The following PBRM1 variants were observed in gnomAD, a reference collection of about 807,000 sequenced individuals.
The protein encoded by PBRM1 is protein polybromo-1.
PBRM1 carries 27 observed loss-of-function variants against 194.5 expected under a neutral mutation model. The ratio of observed to expected loss-of-function variants is 0.14; its 90% CI spans 0.10 to 0.19. The LOEUF (loss-of-function observed/expected upper bound fraction) is 0.19, where lower values mean the gene tolerates loss of function less well. Among genes scored for constraint, PBRM1 ranks in the 10% least tolerant of loss-of-function variants. The pLI is 1.00. For synonymous variants in PBRM1, 655 were observed against 693.2 expected, an observed-to-expected ratio of 0.94 and a Z score of 0.87; for missense variants, 1,466 against 2,077.2, an observed-to-expected ratio of 0.71 and a Z score of 5.72.
chr3:52,641,196 C>T (rs2096064497), intron 10 of PBRM1, among the ~76,000 whole-genome samples: 1 of 151,686 alleles, frequency 6.6e-6, no homozygotes, highest in African/African-American at 2.4e-5. Flanking sequence ...GTGGTGTAAT[C>T]CCAGCACATT....
At chr3:52,587,567 T>A (rs1401637660) in intron 18 of PBRM1, 57 bp from the exon 21 acceptor site, 223 of 875,782 alleles carry the variant, frequency 2.5e-4, no homozygotes, top group Middle Eastern at 3.5e-4. Context: ...TTAACAGAAA[T>A]CACTTTTTTT....
rs923836870 is a variant in PBRM1, at chr3:52,624,862, A to G, written c.1541+2411T>C. 2.2e-6 allele frequency: 3 copies of G among 1,381,966 alleles called. No homozygotes were observed. The African/African-American group carries it at 4.3e-5, about 20-fold the overall frequency. 85.6% of individuals were successfully genotyped at this position (1,381,966 alleles called of 1,614,324 possible). A position where few individuals can be genotyped will look rare whatever the true frequency, so the allele number is the denominator to read the frequency against. ...GATCATGCCACAGAAGATACACTTT[A>G]AAAGAATGTTTATGCATAAAAAAGG... On this transcript the variant is annotated intron_variant, in intron 13 of 29. Transcript: ENST00000296302.
chr3:52,581,002 C>T (rs1284541554), intron 20 of PBRM1, among the ~76,000 whole-genome samples: 3 of 152,152 alleles, frequency 2.0e-5, no homozygotes, highest in Admixed American at 6.5e-5. Flanking sequence ...AGCTGATAAT[C>T]GGCACAAGGC....
chr3:52,643,414 C>T, intron 8 of PBRM1, 71 bp from the exon 10 acceptor site: 1 of 908,146 alleles, frequency 1.1e-6, no homozygotes, highest in Non-Finnish European at 1.8e-6. Context: ...AACAAACACA[C>T]ACACAACCAT....
intron 10 of PBRM1, among the ~76,000 whole-genome samples, chr3:52,638,308 G>A (rs915653961): frequency 2.7e-5 from 4 of 150,460 alleles, no homozygotes; most frequent in Non-Finnish European, 5.9e-5. Context: ...TTAAAATTCT[G>A]TTCCTTAAAT....
intron 10 of PBRM1, among the ~76,000 whole-genome samples, chr3:52,639,118 G>A (rs1348747230): frequency 6.6e-6 from 1 of 151,854 alleles, no homozygotes; most frequent in African/African-American, 2.4e-5. Context: ...CCAAGTACCT[G>A]GGATTGCAGG....
chr3:52,668,783 T>TAAA (rs143631943), intron 2 of PBRM1, 138 bp from the exon 4 acceptor site: 77 of 208,852 alleles, frequency 3.7e-4, no homozygotes, highest in Non-Finnish European at 5.4e-4. Context: ...GAAGCTTACT[T>TAAA]AAAAAAAAAA....
intron 4 of PBRM1, among the ~76,000 whole-genome samples, chr3:52,659,852 G>A (rs2096681783): frequency 1.3e-5 from 2 of 152,216 alleles, no homozygotes; most frequent in East Asian, 1.9e-4. Flanking sequence ...AGCACTTTGG[G>A]AAGGTGAAGT....
intron 7 of PBRM1, among the ~76,000 whole-genome samples, chr3:52,647,455 A>ACAT (rs2096344554): frequency 1.9e-5 from 1 of 51,788 alleles, no homozygotes; most frequent in African/African-American, 8.1e-5. Flanking sequence ...AAAAAAAAAA[A>ACAT]AAATATATAT....
Position 52,564,925 on chromosome 3 carries a change from G to A in PBRM1, c.3692-692C>T, listed in dbSNP as rs376907802. On this transcript the variant is annotated intron_variant, in intron 22 of 29. Coordinates refer to ENST00000296302, the Ensembl canonical transcript of PBRM1. ...TATATAAAAATTAATTTGGCCAGGC[G>A]CAGTGGCTCATGCCTGTAATCCCAG... Among the ~76,000 whole-genome samples, 9 of 152,254 alleles carry A rather than the reference G, an allele frequency of 5.9e-5. No homozygotes were observed. In the East Asian group the frequency reaches 9.7e-4, roughly 16 times the overall value.
At chr3:52,566,117 C>A (rs1320467835) in intron 22 of PBRM1, among the ~76,000 whole-genome samples, 1 of 151,858 alleles carries the variant, frequency 6.6e-6, no homozygotes, top group Non-Finnish European at 1.5e-5. Context: ...AAAATCAAAT[C>A]AAAACGGCAA....
chr3:52,624,970 TAAAGAGAAACAAA>T, intron 13 of PBRM1, 29 bp from the exon 15 acceptor site: 1 of 1,512,962 alleles, frequency 6.6e-7, no homozygotes, highest in Non-Finnish European at 9.0e-7. Context: ...ACATTACATG[TAAAGAGAAACAAA>T]ACAAGCAACA....
intron 22 of PBRM1, among the ~76,000 whole-genome samples, chr3:52,571,110 G>A (rs890472995): frequency 7.1e-6 from 1 of 140,856 alleles, no homozygotes; most frequent in Admixed American, 6.8e-5. Flanking sequence ...GCCTCACGAG[G>A]TCAAGAGATT....
chr3:52,597,939 G>A (rs2093695494), intron 17 of PBRM1, among the ~76,000 whole-genome samples: 1 of 152,088 alleles, frequency 6.6e-6, no homozygotes, highest in Admixed American at 6.6e-5. Context: ...CCTGACCTCA[G>A]GTGATCTACC....
intron 10 of PBRM1, among the ~76,000 whole-genome samples, chr3:52,635,409 T>C (rs1452275264): frequency 2.0e-5 from 3 of 151,806 alleles, no homozygotes; most frequent in African/African-American, 7.3e-5. Context: ...CTACTAAAAA[T>C]ACAAAAATTA....
chr3:52,654,573 G>C (rs2096571923), intron 5 of PBRM1, among the ~76,000 whole-genome samples: 1 of 152,128 alleles, frequency 6.6e-6, no homozygotes, highest in Non-Finnish European at 1.5e-5. Context: ...CACACCCTGA[G>C]AGACCAATAG....
At chr3:52,550,318 TAAGA>T (rs2080622184) in intron 29 of PBRM1, 99 bp downstream of exon 31, 1 of 449,946 alleles carries the variant, frequency 2.2e-6, no homozygotes, top group Non-Finnish European at 3.8e-6. Flanking sequence ...TTTAATTGTA[TAAGA>T]AAAAGGGGTG....
In PBRM1 at chr3:52,609,420, A is replaced by G. The variant is rs373844039; in HGVS notation, c.2460T>C (p.Leu820=). 8.7e-6 allele frequency: 14 copies of G among 1,613,690 alleles called. No homozygotes were observed. In the African/African-American group the frequency reaches 1.9e-4, roughly 22 times the overall value. ...CATTCTTCCTAATTATGTCAAATGT[A>G]AGGGGTGGTTTGTTAGGAAAGTTGG... The change falls in exon 16 of 30, where the codon CTT becomes CTC. Residue 820 remains leucine (L), a synonymous_variant. Transcript: ENST00000296302. This position sits in a 1 kb window ranked among gnomAD's most constrained non-coding sequence, Gnocchi z 4.1.
intron 6 of PBRM1, among the ~76,000 whole-genome samples, chr3:52,650,748 G>A (rs1417989775): frequency 2.0e-5 from 3 of 152,188 alleles, no homozygotes; most frequent in Non-Finnish European, 4.4e-5. Flanking sequence ...GCAACATACA[G>A]CAGAGGAAGC....
Sources: gnomAD v4.1 joint callset for allele counts (sites outside exome capture counted in the v4.1 genomes callset) on GRCh38, gnomAD v4.1.1 for gene constraint, Gnocchi (gnomAD v3.1) non-coding constraint, MANE v1.5 for transcripts, NCBI Gene and HGNC (gene_info 2026-07-23, HGNC 2026-07-21) for gene names.